NUP210: variants seen among roughly 807,000 people sequenced by gnomAD.
NUP210 encodes nucleoporin 210.
Under a neutral mutation model 196.0 loss-of-function variants are expected in NUP210, and 151 were observed. The ratio of observed to expected loss-of-function variants is 0.77; its 90% CI spans 0.67 to 0.88. The LOEUF (loss-of-function observed/expected upper bound fraction) is 0.88. NUP210 is among the 40% of genes least tolerant of loss of function. The pLI is 0.00. For synonymous variants in NUP210, 1,070 were observed against 1,052.7 expected (o/e 1.02, Z -0.32); for missense variants, 2,314 against 2,493.7 (o/e 0.93, Z 1.53).
At chr3:13,418,948 C>CAAAAAAAAAA (rs112826426) in intron 1 of NUP210, among the ~76,000 whole-genome samples, 23 of 52,428 alleles carry the variant, frequency 4.4e-4, no homozygotes, top group East Asian at 6.8e-4. Context: ...AACTCCGTCT[C>CAAAAAAAAAA]AAAAAAAAAA....
intron 21 of NUP210, 48 bp from the exon 22 acceptor site, chr3:13,342,171 C>A (rs1197698715): frequency 6.2e-6 from 10 of 1,609,776 alleles, no homozygotes; most frequent in Non-Finnish European, 8.5e-6. Flanking sequence ...AAAGACCAAT[C>A]CTACCATCTA....
At chr3:13,395,949 G>A (rs987210115) in intron 3 of NUP210, among the ~76,000 whole-genome samples, 2 of 152,304 alleles carry the variant, frequency 1.3e-5, no homozygotes, top group South Asian at 2.1e-4. Context: ...ACGCAAGACC[G>A]AACACTGTAC....
intron 1 of NUP210, 80 bp from the exon 2 acceptor site, chr3:13,399,941 C>T: frequency 1.3e-6 from 2 of 1,505,212 alleles, no homozygotes; most frequent in Admixed American, 2.1e-5. Flanking sequence ...GGCTGTGGCA[C>T]CCGTCTAGGG....
rs199628250 is a variant in NUP210, at chr3:13,376,254, T to C, written c.1293+37A>G. ...TTTCTGCCTACAGAGGGTGGCTTCA[T>C]AGGACAAGGCACGACGCAGGGGAGA... On this transcript the variant is annotated intron_variant, in intron 10 of 39. Coordinates refer to ENST00000254508, the MANE Select transcript of NUP210 (RefSeq NM_024923.4). 78 of 1,609,918 alleles carry C rather than the reference T, an allele frequency of 4.8e-5. No homozygotes were observed. The African/African-American group carries it at 1.0e-3, about 21-fold the overall frequency.
At position 13,340,150 on chromosome 3, in the gene NUP210, T is replaced by G; in HGVS notation, c.3291+86A>C. On this transcript the variant is annotated intron_variant, in intron 24 of 39. Transcript: ENST00000254508. This position sits in a 1 kb window ranked among gnomAD's most constrained non-coding sequence, Gnocchi z 4.0. Reference sequence around the variant, plus strand: ...GCTTCTGCCTTCTTCTCCCAGTCACTGCACGCAGGGCCAGAGGCGGCGTGC... The same window carrying G: ...GCTTCTGCCTTCTTCTCCCAGTCACGGCACGCAGGGCCAGAGGCGGCGTGC... 6.2e-7 allele frequency: 1 copy of G among 1,605,156 alleles called. No individual in the cohort carries two copies. Among genetic ancestry groups the G allele is most frequent in the Admixed American group, 1.7e-5 (1 of 59,834 alleles).
chr3:13,327,547 GAGGTCCC>G (rs1250686217), intron 31 of NUP210, 110 bp from the exon 32 acceptor site: 5 of 816,848 alleles, frequency 6.1e-6, no homozygotes, highest in Non-Finnish European at 9.7e-6. Flanking sequence ...TCAACTGACT[GAGGTCCC>G]AGGTGTGGCC....
Position 13,352,098 on chromosome 3 carries a change from G to A in NUP210, c.2715C>T (p.Tyr905=), listed in dbSNP as rs1454631321. The A allele has an allele frequency of 6.2e-7, 1 of 1,614,058 alleles. No individual in the cohort carries two copies. The highest frequency in any genetic ancestry group is 8.5e-7 in the Non-Finnish European group (1 of 1,179,900). The part of the protein sequence containing the change: ...VRVSPEEVTI[Y]NHPGIQAELR... ...ACTGTACCTGGATGCCAGGGTGGTT[G>A]TAGATGGTCACCTCTTCTGGGCTCA... Residue 905 remains tyrosine (Y), a synonymous_variant, in exon 19 of 40, where the codon TAC becomes TAT. Transcript: ENST00000254508.
Position 13,348,852 on chromosome 3 carries a change from A to C in NUP210, c.2835+3027T>G. ...GCTGGAGACCAACATCAAACGCTGA[A>C]GGAAGGTTTTCGAAAACACCCCAAA... On this transcript the variant is annotated intron_variant, in intron 20 of 39. Coordinates refer to ENST00000254508, the MANE Select transcript of NUP210 (RefSeq NM_024923.4). The surrounding 1 kb of genome is among the most constrained non-coding windows in gnomAD (Gnocchi z 4.0). 1.0e-6 allele frequency: 1 copy of C among 985,428 alleles called. No individual in the cohort carries two copies. The highest frequency in any genetic ancestry group is 4.7e-5 in the South Asian group (1 of 21,286). 61.0% of individuals were successfully genotyped at this position (985,428 alleles called of 1,614,324 possible).
rs766948491 is a variant in NUP210 at position 13,322,307 on chromosome 3, G to A, written c.4801C>T (p.Gln1601Ter). ...ECTPTQREVI[Q>*]ALHPETLISC... ...ATGAGGGTCTCTGGGTGCAAGGCCT[G>A]GATGACTTCCCTCTGGGTGGGGGTG... Residue 1601 changes from glutamine (Q) to a stop codon, truncating the protein, a stop_gained, in exon 35 of 40, where the codon CAG becomes TAG. Coordinates refer to ENST00000254508, the MANE Select transcript of NUP210 (RefSeq NM_024923.4). LOFTEE classifies it high-confidence loss of function. 25 of 1,614,096 alleles carry A rather than the reference G, an allele frequency of 1.5e-5. No homozygotes were observed. Among genetic ancestry groups the A allele is most frequent in the Admixed American group, 3.3e-5 (2 of 60,002 alleles).
chr3:13,372,086 C>T, intron 12 of NUP210, 54 bp from the exon 13 acceptor site: 1 of 1,452,172 alleles, frequency 6.9e-7, no homozygotes. Flanking sequence ...AGAGGCAGGG[C>T]CTGTTGCTCG....
intron 15 of NUP210, among the ~76,000 whole-genome samples, chr3:13,360,059 C>T (rs1031905790): frequency 6.6e-6 from 1 of 152,238 alleles, no homozygotes; most frequent in African/African-American, 2.4e-5. Context: ...TGAAAGCTGG[C>T]ATAGCGGGAG....
At chr3:13,383,352 T>C (rs956931462) in intron 6 of NUP210, among the ~76,000 whole-genome samples, 6 of 151,942 alleles carry the variant, frequency 3.9e-5, no homozygotes, top group East Asian at 1.9e-4. Flanking sequence ...GAAAGGGAGG[T>C]GGGCCCTGCC....
intron 15 of NUP210, 119 bp downstream of exon 15, chr3:13,360,151 G>A (rs577828310): frequency 7.1e-6 from 6 of 841,964 alleles, no homozygotes; most frequent in Admixed American, 4.9e-5. Context: ...TGTAAAATGG[G>A]TACAATAGGA....
intron 1 of NUP210, among the ~76,000 whole-genome samples, chr3:13,407,466 A>T (rs1700038045): frequency 6.6e-6 from 1 of 152,140 alleles, no homozygotes; most frequent in Admixed American, 6.5e-5. Flanking sequence ...AGCCTGAATC[A>T]AAGATTCAGG....
chr3:13,363,360 G>A (rs1227466918), intron 14 of NUP210, among the ~76,000 whole-genome samples: 2 of 152,206 alleles, frequency 1.3e-5, no homozygotes, highest in Admixed American at 1.3e-4. Context: ...TATGGGCAAA[G>A]CAGGCCACTG....
At chr3:13,351,784 C>A in intron 20 of NUP210, 95 bp downstream of exon 20, 1 of 826,824 alleles carries the variant, frequency 1.2e-6, no homozygotes, top group South Asian at 1.6e-5. Context: ...GAGTGTGAGT[C>A]AAGTGCTAGC....
intron 1 of NUP210, among the ~76,000 whole-genome samples, chr3:13,402,194 G>A (rs1011071950): frequency 5.9e-5 from 9 of 152,014 alleles, no homozygotes; most frequent in Admixed American, 2.0e-4. Context: ...ATGAGGTCCC[G>A]TCTCAAGCAA....
chr3:13,345,090 C>A (rs1697670618), intron 20 of NUP210: 1 of 985,334 alleles, frequency 1.0e-6, no homozygotes, highest in Admixed American at 6.1e-5. Context: ...TACAGCCTAG[C>A]CTCCTACGAG....
chr3:13,328,380 C>T (rs958326601), intron 31 of NUP210, among the ~76,000 whole-genome samples: 2 of 152,248 alleles, frequency 1.3e-5, no homozygotes, highest in Admixed American at 6.5e-5. Flanking sequence ...TGACTCTAAA[C>T]CCCAGTTCTT....
Sources: allele counts gnomAD v4.1 joint callset (sites outside exome capture counted in the v4.1 genomes callset), GRCh38; gene constraint gnomAD v4.1.1; non-coding constraint Gnocchi (gnomAD v3.1); transcripts MANE v1.5; gene names NCBI Gene and HGNC (gene_info 2026-07-23, HGNC 2026-07-21).